The following PDE11A variants were observed in gnomAD, a reference collection of about 807,000 sequenced individuals.
PDE11A encodes the protein phosphodiesterase 11A.
In PDE11A, 100 loss-of-function variants were observed where a neutral mutation model predicts 100.5. The ratio of observed to expected loss-of-function variants is 1.00; its 90% CI spans 0.85 to 1.18. PDE11A has a LOEUF of 1.18. PDE11A is among the 50% of genes most tolerant of loss of function. The pLI is 0.00. For missense variants in PDE11A, 1,141 were observed against 1,152.6 expected, an observed-to-expected ratio of 0.99 and a Z score of 0.15; for synonymous variants, 381 against 420.8, an observed-to-expected ratio of 0.91 and a Z score of 1.16.
intron 5 of PDE11A, among the ~76,000 whole-genome samples, chr2:177,848,483 G>C (rs2083640553): frequency 2.0e-5 from 3 of 152,104 alleles, no homozygotes; most frequent in African/African-American, 7.2e-5. Context: ...TATTTTGCTA[G>C]AAAAAGGGGT....
At chr2:177,663,513 T>C (rs571735847) in intron 19 of PDE11A, among the ~76,000 whole-genome samples, 2 of 152,166 alleles carry the variant, frequency 1.3e-5, no homozygotes, top group Non-Finnish European at 2.9e-5. Context: ...TTCTTGGGCC[T>C]GTGAGCTTTT....
At chr2:177,919,601 A>G (rs1024724556) in intron 2 of PDE11A, among the ~76,000 whole-genome samples, 41 of 152,298 alleles carry the variant, frequency 2.7e-4, no homozygotes, top group African/African-American at 9.9e-4. Context: ...ATAAAATCCA[A>G]TACCCAATGG....
intron 18 of PDE11A, among the ~76,000 whole-genome samples, chr2:177,667,817 C>T (rs945307380): frequency 2.0e-5 from 3 of 152,200 alleles, no homozygotes; most frequent in Non-Finnish European, 2.9e-5. Flanking sequence ...AACTGACTCA[C>T]TGCTTCCAAT....
At chr2:177,675,277 A>AG (rs397871371) in intron 17 of PDE11A, among the ~76,000 whole-genome samples, 178 bp downstream of exon 17, 5 of 149,452 alleles carry the variant, frequency 3.3e-5, no homozygotes, top group Non-Finnish European at 7.4e-5. Flanking sequence ...AAAAAAAAAA[A>AG]GGGCTGTGCA....
intron 9 of PDE11A, among the ~76,000 whole-genome samples, chr2:177,776,031 C>A (rs1485104507): frequency 2.6e-5 from 4 of 152,084 alleles, no homozygotes; most frequent in Admixed American, 2.6e-4. Flanking sequence ...AAAATAAAAA[C>A]ATTTTAAAAC....
chr2:177,884,965 TATTGGCTAAATAGGAAATATCAGA>T (rs1558991108), intron 4 of PDE11A, among the ~76,000 whole-genome samples: 7 of 152,170 alleles, frequency 4.6e-5, no homozygotes, highest in Non-Finnish European at 7.3e-5. Flanking sequence ...GTGATGGTTC[TATTGGCTAAATAGGAAATATCAGA>T]GGTGGAGAAG....
At chr2:178,024,783 T>A (rs2086458451) in intron 1 of PDE11A, among the ~76,000 whole-genome samples, 1 of 152,262 alleles carries the variant, frequency 6.6e-6, no homozygotes, top group Non-Finnish European at 1.5e-5. Flanking sequence ...TATCATTTAG[T>A]AATACTCATT....
chr2:178,073,135 C>A, upstream of PDE11A: 1 of 913,870 alleles, frequency 1.1e-6, no homozygotes, highest in Non-Finnish European at 1.3e-6. Context: ...TGATGTTTTG[C>A]AGGGATCTGA....
chr2:177,727,987 C>A, intron 11 of PDE11A, 39 bp downstream of exon 11: 1 of 1,588,232 alleles, frequency 6.3e-7, no homozygotes, highest in Non-Finnish European at 8.6e-7. Context: ...CACGTTGTCC[C>A]AGGTGAACTG....
intron 11 of PDE11A, 54 bp from the exon 12 acceptor site, chr2:177,727,819 C>A: frequency 9.0e-7 from 1 of 1,113,550 alleles, no homozygotes; most frequent in Non-Finnish European, 1.4e-6. Context: ...TCTAGTGGAC[C>A]CTTATCTCAA....
At chr2:177,681,457 G>GCTTGCTGTACAA (rs58944470) in intron 15 of PDE11A, among the ~76,000 whole-genome samples, 17,843 of 152,138 alleles carry the variant, frequency 0.12, 1,294 homozygotes, top group Middle Eastern at 0.2. Flanking sequence ...TCAGCAACTC[G>GCTTGCTGTACAA]CTTTGGAAAG....
chr2:178,058,306 G>A (rs1057153335), intron 1 of PDE11A, among the ~76,000 whole-genome samples: 2 of 152,170 alleles, frequency 1.3e-5, no homozygotes, highest in African/African-American at 2.4e-5. Context: ...ATTTCAAATT[G>A]TAACTCCCAC....
chr2:178,020,755 G>A (rs564546534), intron 1 of PDE11A, among the ~76,000 whole-genome samples: 17 of 152,132 alleles, frequency 1.1e-4, no homozygotes, highest in African/African-American at 3.4e-4. Context: ...CCAAGATTGC[G>A]CCACTGCACT....
At position 177,998,676 on chromosome 2, in the gene PDE11A, A is replaced by T. The variant is rs550328250; in HGVS notation, c.1071+15626T>A. The T allele has an allele frequency of 1.8e-5, 22 of 1,202,744 alleles. No homozygotes were observed. The Admixed American group carries it at 3.5e-4, about 19-fold the overall frequency. 74.5% of individuals were successfully genotyped at this position (1,202,744 alleles called of 1,614,324 possible). ...CTTAGTACCACCTTTCACACCATCCAGTATCACTTGATAGGCATCTTTATG... is the reference window on the plus strand; with the variant it reads ...CTTAGTACCACCTTTCACACCATCCTGTATCACTTGATAGGCATCTTTATG... On this transcript the variant is annotated intron_variant, in intron 2 of 19. Coordinates refer to ENST00000286063, the MANE Select transcript of PDE11A (RefSeq NM_016953.4).
chr2:177,679,438 T>C (rs1378152229), intron 16 of PDE11A, among the ~76,000 whole-genome samples: 3 of 152,144 alleles, frequency 2.0e-5, no homozygotes, highest in South Asian at 2.1e-4. Flanking sequence ...TGCATGTGTA[T>C]GTAAATGCTT....
intron 19 of PDE11A, among the ~76,000 whole-genome samples, chr2:177,633,220 C>A (rs1215315483): frequency 6.6e-6 from 1 of 152,210 alleles, no homozygotes; most frequent in African/African-American, 2.4e-5. Context: ...TATCATTAAA[C>A]CACTATGATT....
At chr2:177,919,524 T>C (rs1257094283) in intron 2 of PDE11A, among the ~76,000 whole-genome samples, 2 of 152,200 alleles carry the variant, frequency 1.3e-5, no homozygotes, top group African/African-American at 4.8e-5. Context: ...AGATCAATTA[T>C]TCCAAACTTT....
intron 12 of PDE11A, among the ~76,000 whole-genome samples, chr2:177,720,963 G>A (rs1251953623): frequency 6.6e-6 from 1 of 152,148 alleles, no homozygotes; most frequent in Non-Finnish European, 1.5e-5. Flanking sequence ...GCAAGTGCTT[G>A]TGTATGTAAG....
chr2:177,745,305 C>T (rs1484937716), intron 10 of PDE11A, among the ~76,000 whole-genome samples: 1 of 151,982 alleles, frequency 6.6e-6, no homozygotes, highest in Non-Finnish European at 1.5e-5. Flanking sequence ...GAACTCTTAC[C>T]AGGGCATATT....
Sources: gnomAD v4.1 joint callset for allele counts (sites outside exome capture counted in the v4.1 genomes callset) on GRCh38, gnomAD v4.1.1 for gene constraint, MANE v1.5 for transcripts, NCBI Gene and HGNC (gene_info 2026-07-23, HGNC 2026-07-21) for gene names.